CHSY3: variants seen among roughly 807,000 people sequenced by gnomAD.
The protein encoded by CHSY3 is chondroitin sulfate synthase 3, also known as N-acetylgalactosaminyl-proteoglycan 3-beta-glucuronosyltransferase 3.
A neutral mutation model predicts 67.2 loss-of-function variants in CHSY3; 35 were observed. The observed-to-expected ratio is 0.52, with a 90% CI of 0.40 to 0.69. The LOEUF (loss-of-function observed/expected upper bound fraction) is 0.69. Ranked by LOEUF, CHSY3 falls within the 30% of genes least tolerant of loss-of-function variation. The pLI is 0.00. For synonymous variants in CHSY3, 474 were observed against 434.7 expected, an observed-to-expected ratio of 1.09 and a Z score of -1.12; for missense variants, 1,069 against 1,138.5, an observed-to-expected ratio of 0.94 and a Z score of 0.88.
intron 2 of CHSY3, among the ~76,000 whole-genome samples, chr5:129,917,628 A>G (rs750920698): frequency 5.9e-5 from 9 of 152,144 alleles, no homozygotes; most frequent in Admixed American, 1.3e-4. Context: ...TATTATTACT[A>G]TTTTCCAGCT....
chr5:130,171,447 T>G (rs917574643), intron 2 of CHSY3, among the ~76,000 whole-genome samples: 6 of 152,188 alleles, frequency 3.9e-5, no homozygotes, highest in African/African-American at 1.4e-4. Flanking sequence ...AACTTAGTGA[T>G]TTCTTTAAGA....
chr5:129,940,280 T>C (rs2149594156), intron 2 of CHSY3, among the ~76,000 whole-genome samples: 2 of 152,306 alleles, frequency 1.3e-5, no homozygotes, highest in Middle Eastern at 3.4e-3. Flanking sequence ...ACTACCTATA[T>C]GAGTTGAAAT....
intron 2 of CHSY3, among the ~76,000 whole-genome samples, chr5:130,110,210 A>G (rs756217926): frequency 1.3e-5 from 2 of 151,888 alleles, no homozygotes; most frequent in Non-Finnish European, 2.9e-5. Context: ...TCTACTGAAC[A>G]TGGGTTCTTA....
At chr5:130,076,130 T>C (rs1343624959) in intron 2 of CHSY3, among the ~76,000 whole-genome samples, 1 of 152,156 alleles carries the variant, frequency 6.6e-6, no homozygotes. Context: ...ATTGTACTTC[T>C]ATGCGCTTGC....
At chr5:130,020,318 G>T (rs1764330441) in intron 2 of CHSY3, among the ~76,000 whole-genome samples, 2 of 151,334 alleles carry the variant, frequency 1.3e-5, no homozygotes, top group South Asian at 4.2e-4. Context: ...TACTCGGGAG[G>T]CTGAGGCAGG....
intron 2 of CHSY3, among the ~76,000 whole-genome samples, chr5:130,135,228 G>A (rs967585250): frequency 2.0e-5 from 3 of 151,260 alleles, no homozygotes; most frequent in African/African-American, 7.3e-5. Context: ...AAACATATAT[G>A]CATGTCTGTG....
chr5:130,156,705 A>G (rs979644872), intron 2 of CHSY3, among the ~76,000 whole-genome samples: 7 of 152,196 alleles, frequency 4.6e-5, no homozygotes, highest in African/African-American at 1.7e-4. Flanking sequence ...TAAACAAATT[A>G]CTGGGGTTTA....
At chr5:130,143,205 T>G (rs1448411346) in intron 2 of CHSY3, among the ~76,000 whole-genome samples, 1 of 152,294 alleles carries the variant, frequency 6.6e-6, no homozygotes, top group Admixed American at 6.5e-5. Context: ...ATTTGTTTCC[T>G]TTGATCATTG....
Position 130,166,727 on chromosome 5 carries a change from A to G in CHSY3, c.1087-17502A>G, listed in dbSNP as rs143131886. ...ATAGACATCTTGCCATGCTTATGTT[A>G]TTTTAATTGGATGTTTAGCTCTAGG... On this transcript the variant is annotated intron_variant, in intron 2 of 2. Coordinates refer to ENST00000305031, the MANE Select transcript of CHSY3 (RefSeq NM_175856.5). Among the ~76,000 whole-genome samples, 34 of 152,210 alleles carry G rather than the reference A, an allele frequency of 2.2e-4. No homozygotes were observed. In the East Asian group the frequency reaches 5.0e-3, roughly 22 times the overall value.
At chr5:130,032,282 C>G (rs1764724962) in intron 2 of CHSY3, among the ~76,000 whole-genome samples, 2 of 152,062 alleles carry the variant, frequency 1.3e-5, no homozygotes, top group Non-Finnish European at 2.9e-5. Context: ...GAATATTTCC[C>G]TCATAAATTA....
intron 2 of CHSY3, among the ~76,000 whole-genome samples, chr5:130,107,768 G>C (rs1396545256): frequency 1.3e-5 from 2 of 151,476 alleles, no homozygotes; most frequent in African/African-American, 2.4e-5. Flanking sequence ...TAATAATTAG[G>C]TCTAATTATT....
chr5:129,935,896 G>T (rs1761471959), intron 2 of CHSY3, among the ~76,000 whole-genome samples: 1 of 152,066 alleles, frequency 6.6e-6, no homozygotes, highest in Non-Finnish European at 1.5e-5. Flanking sequence ...TCAAATTTCT[G>T]CAGAGGAGTT....
intron 2 of CHSY3, among the ~76,000 whole-genome samples, chr5:130,025,819 T>C (rs1383697506): frequency 6.6e-6 from 1 of 152,072 alleles, no homozygotes; most frequent in Non-Finnish European, 1.5e-5. Context: ...TGTCCAAATA[T>C]GATCACATTG....
At chr5:130,112,194 C>T (rs941265465) in intron 2 of CHSY3, among the ~76,000 whole-genome samples, 3 of 152,064 alleles carry the variant, frequency 2.0e-5, no homozygotes, top group South Asian at 4.1e-4. Flanking sequence ...TTGTTGTTCT[C>T]ATGATAAAGA....
chr5:130,147,375 G>T (rs1769104384), intron 2 of CHSY3, among the ~76,000 whole-genome samples: 1 of 152,068 alleles, frequency 6.6e-6, no homozygotes, highest in African/African-American at 2.4e-5. Context: ...AATTTGCATG[G>T]TTGCTTTATG....
At chr5:129,999,883 A>G (rs904550250) in intron 2 of CHSY3, among the ~76,000 whole-genome samples, 1 of 152,150 alleles carries the variant, frequency 6.6e-6, no homozygotes, top group African/African-American at 2.4e-5. Flanking sequence ...GACAACATCT[A>G]GGTTAAGAAT....
chr5:129,961,427 T>A (rs898217617), intron 2 of CHSY3, among the ~76,000 whole-genome samples: 4 of 152,076 alleles, frequency 2.6e-5, no homozygotes, highest in African/African-American at 9.7e-5. Context: ...AAAAATAGTT[T>A]AGACCACTTA....
intron 2 of CHSY3, among the ~76,000 whole-genome samples, chr5:130,027,646 G>C (rs933002618): frequency 8.4e-5 from 12 of 142,958 alleles, no homozygotes; most frequent in African/African-American, 3.2e-4. Context: ...GACAGTCCCT[G>C]GTGTGTGATG....
At chr5:130,164,048 A>G (rs1769648291) in intron 2 of CHSY3, among the ~76,000 whole-genome samples, 1 of 152,180 alleles carries the variant, frequency 6.6e-6, no homozygotes, top group African/African-American at 2.4e-5. Flanking sequence ...GAAACCTAAT[A>G]TGTAACAGCT....
Sources: gnomAD v4.1 joint callset for allele counts (sites outside exome capture counted in the v4.1 genomes callset) on GRCh38, gnomAD v4.1.1 for gene constraint, MANE v1.5 for transcripts, NCBI Gene and HGNC (gene_info 2026-07-23, HGNC 2026-07-21) for gene names.